CLVS2: variants seen among roughly 807,000 people sequenced by gnomAD.
CLVS2 encodes clavesin 2, also known as clavesin-2.
A neutral mutation model predicts 29.0 loss-of-function variants in CLVS2; 19 were observed. The observed-to-expected ratio is 0.66, with a 90% CI of 0.46 to 0.96. The LOEUF is 0.96. Among genes scored for constraint, CLVS2 ranks in the 40% least tolerant of loss-of-function variants. The probability of loss-of-function intolerance (pLI) is 0.00; values close to 1 mark genes in which losing one functional copy is unlikely to be tolerated. For synonymous variants in CLVS2, 161 were observed against 151.3 expected (o/e 1.06, Z -0.47); for missense variants, 294 against 404.1 (o/e 0.73, Z 2.34).
chr6:123,043,069 T>C (rs1775257508), intron 3 of CLVS2, among the ~76,000 whole-genome samples: 1 of 152,112 alleles, frequency 6.6e-6, no homozygotes, highest in African/African-American at 2.4e-5. Context: ...TCACTTCTAC[T>C]CTCTAAACCA....
chr6:123,011,911 G>A (rs1774753464), intron 3 of CLVS2, among the ~76,000 whole-genome samples: 1 of 152,026 alleles, frequency 6.6e-6, no homozygotes. Flanking sequence ...GTCCTTGAGT[G>A]ATGTAATTCA....
intron 3 of CLVS2, among the ~76,000 whole-genome samples, chr6:123,027,225 G>C (rs568172635): frequency 6.6e-6 from 1 of 152,170 alleles, no homozygotes; most frequent in Non-Finnish European, 1.5e-5. Context: ...ATCTTGAGTA[G>C]AGGAACAAAT....
At chr6:123,004,607 A>G (rs1582642341) in intron 2 of CLVS2, among the ~76,000 whole-genome samples, 1 of 152,184 alleles carries the variant, frequency 6.6e-6, no homozygotes, top group Non-Finnish European at 1.5e-5. Flanking sequence ...CATATATATT[A>G]TGCTACCATG....
intron 5 of CLVS2, among the ~76,000 whole-genome samples, chr6:123,061,988 G>A (rs1393672884): frequency 1.3e-5 from 2 of 151,912 alleles, no homozygotes; most frequent in African/African-American, 2.4e-5. Context: ...CTTTCAATTT[G>A]GAAATTATTT....
chr6:123,051,458 T>C (rs1266163074), intron 4 of CLVS2, among the ~76,000 whole-genome samples: 1 of 152,184 alleles, frequency 6.6e-6, no homozygotes, highest in Non-Finnish European at 1.5e-5. Flanking sequence ...GGTCTCCTAC[T>C]GCTCCCAAGT....
intron 3 of CLVS2, among the ~76,000 whole-genome samples, chr6:123,048,292 T>TG (rs1772546055): frequency 6.6e-6 from 1 of 152,048 alleles, no homozygotes; most frequent in Non-Finnish European, 1.5e-5. Context: ...ATTCATTATT[T>TG]GACAAATCTC....
At chr6:123,032,760 T>A (rs187276986) in intron 3 of CLVS2, among the ~76,000 whole-genome samples, 23 of 152,178 alleles carry the variant, frequency 1.5e-4, no homozygotes, top group Admixed American at 3.3e-4. Flanking sequence ...GTAAGTGGAG[T>A]AAGCAGTAGA....
chr6:123,045,623 A>G (rs1772479934), intron 3 of CLVS2, among the ~76,000 whole-genome samples: 1 of 152,182 alleles, frequency 6.6e-6, no homozygotes, highest in African/African-American at 2.4e-5. Context: ...TTAGAATGCT[A>G]TGTTTAACCT....
chr6:123,025,365 A>T (rs905527074), intron 3 of CLVS2, among the ~76,000 whole-genome samples: 1 of 152,104 alleles, frequency 6.6e-6, no homozygotes, highest in Non-Finnish European at 1.5e-5. Context: ...GCTCATTGTC[A>T]TTGGTTGGGA....
Position 123,067,074 on chromosome 6 carries a change from T to A in CLVS2, c.*3313T>A, listed in dbSNP as rs1310250447. ...GTGTAGACAGAGATATTTCCTAAGT[T>A]TTTTCATATAGAATACTTATTTACT... On this transcript the variant is annotated 3_prime_UTR_variant, in exon 6 of 6. Coordinates refer to ENST00000275162, the MANE Select transcript of CLVS2 (RefSeq NM_001010852.4). 1.3e-5 allele frequency: 2 copies of A among 151,710 alleles called. No homozygotes were observed. The highest frequency in any genetic ancestry group is 1.9e-4 in the East Asian group (1 of 5,196). The allele number at this position is 151,710 out of a possible 1,614,324, so 9.4% of individuals were successfully genotyped here. A position where few individuals can be genotyped will look rare whatever the true frequency, so the allele number is the denominator to read the frequency against.
chr6:122,997,903 G>A lies in CLVS2; in HGVS notation c.126G>A (p.Pro42=), dbSNP rs560066128. 2 of 1,614,204 alleles carry A rather than the reference G, an allele frequency of 1.2e-6. No individual in the cohort carries two copies. Among genetic ancestry groups the A allele is most frequent in the African/African-American group, 1.3e-5 (1 of 75,050 alleles). Residue 42 remains proline, a synonymous_variant, in exon 2 of 6, where the codon CCG becomes CCA. Coordinates refer to ENST00000275162, the MANE Select transcript of CLVS2 (RefSeq NM_001010852.4). The stretch of plus-strand genomic sequence containing the variant: ...TGAGGGATATGGTCATCACCAGGCC[G>A]GACATTGGCTTTCTGCGCACGGATG... The part of the protein sequence containing the change: ...QEVRDMVITR[P]DIGFLRTDDA...
chr6:123,017,891 C>T (rs1223649381), intron 3 of CLVS2, among the ~76,000 whole-genome samples: 2 of 151,914 alleles, frequency 1.3e-5, no homozygotes, highest in African/African-American at 4.8e-5. Context: ...AGGTGTCAAC[C>T]TTGACAAAAA....
In CLVS2 at chr6:123,038,701, T is replaced by A. The variant is rs1423791505; in HGVS notation, c.565-9921T>A. ...TATTAACCTAATATTGTATATTGAT[T>A]TTTTTTTCTTTTGGTCATTAGGAAT... On this transcript the variant is annotated intron_variant, in intron 3 of 5. Coordinates refer to ENST00000275162, the MANE Select transcript of CLVS2 (RefSeq NM_001010852.4). Among the ~76,000 whole-genome samples the A allele has an allele frequency of 5.3e-5, 8 of 152,036 alleles. No homozygotes were observed. In the East Asian group the frequency reaches 1.5e-3, roughly 29 times the overall value.
chr6:123,006,438 G>C (rs1464573599), intron 2 of CLVS2, among the ~76,000 whole-genome samples: 1 of 152,054 alleles, frequency 6.6e-6, no homozygotes, highest in African/African-American at 2.4e-5. Context: ...TCACAATAGA[G>C]GGTAGGCAAG....
At chr6:123,014,292 T>A (rs1303656996) in intron 3 of CLVS2, among the ~76,000 whole-genome samples, 1 of 151,540 alleles carries the variant, frequency 6.6e-6, no homozygotes, top group African/African-American at 2.4e-5. Context: ...TGTAAAAGTG[T>A]TCCTATTTCT....
chr6:123,034,368 C>A (rs1775121681), intron 3 of CLVS2, among the ~76,000 whole-genome samples: 1 of 152,078 alleles, frequency 6.6e-6, no homozygotes, highest in Non-Finnish European at 1.5e-5. Context: ...AAAATACTAC[C>A]TTGCAGTAGA....
At chr6:123,007,387 T>A (rs1372636571) in intron 2 of CLVS2, among the ~76,000 whole-genome samples, 1 of 152,160 alleles carries the variant, frequency 6.6e-6, no homozygotes, top group East Asian at 1.9e-4. Flanking sequence ...TAATCAAGGA[T>A]CCCCATTTTA....
intron 3 of CLVS2, among the ~76,000 whole-genome samples, chr6:123,020,255 T>TA (rs1230780596): frequency 1.3e-5 from 2 of 152,080 alleles, no homozygotes; most frequent in Non-Finnish European, 2.9e-5. Context: ...GCATTATACT[T>TA]ACCAGTAGAG....
intron 3 of CLVS2, among the ~76,000 whole-genome samples, chr6:123,022,179 A>G (rs1253466141): frequency 1.3e-5 from 2 of 152,060 alleles, no homozygotes; most frequent in Admixed American, 6.6e-5. Flanking sequence ...AGGAATGGGG[A>G]AAATTATTAC....
Sources: allele counts gnomAD v4.1 joint callset (sites outside exome capture counted in the v4.1 genomes callset), GRCh38; gene constraint gnomAD v4.1.1; transcripts MANE v1.5; gene names NCBI Gene and HGNC (gene_info 2026-07-23, HGNC 2026-07-21).